KCND2: variants seen among roughly 807,000 people sequenced by gnomAD.
KCND2 encodes A-type voltage-gated potassium channel KCND2.
KCND2 carries 16 observed loss-of-function variants against 54.4 expected under a neutral mutation model. The observed-to-expected ratio is 0.29, with a 90% CI of 0.20 to 0.45. The LOEUF is 0.45. Among genes scored for constraint, KCND2 ranks in the 20% least tolerant of loss-of-function variants. The pLI is 1.00. For missense variants in KCND2, 486 were observed against 824.2 expected, an observed-to-expected ratio of 0.59 and a Z score of 5.02; for synonymous variants, 317 against 310.7, an observed-to-expected ratio of 1.02 and a Z score of -0.21.
chr7:120,611,009 G>A (rs994921975), intron 1 of KCND2, among the ~76,000 whole-genome samples: 2 of 152,132 alleles, frequency 1.3e-5, no homozygotes, highest in African/African-American at 4.8e-5. Flanking sequence ...CTATCCCAAA[G>A]AAATCACTTG....
intron 1 of KCND2, among the ~76,000 whole-genome samples, chr7:120,699,550 T>C (rs751844328): frequency 2.1e-4 from 32 of 152,152 alleles, no homozygotes; most frequent in Non-Finnish European, 3.8e-4. Flanking sequence ...GTTGTTGTTA[T>C]GGAGACAAAG....
chr7:120,362,540 A>T (rs1179194430), intron 1 of KCND2, among the ~76,000 whole-genome samples: 1 of 152,214 alleles, frequency 6.6e-6, no homozygotes, highest in African/African-American at 2.4e-5. Context: ...TGAATGTTGC[A>T]GTGTATGAAT....
At position 120,512,244 on chromosome 7, in the gene KCND2, A is replaced by C. The variant is rs150272605; in HGVS notation, c.1116-220659A>C. 1.3e-3 allele frequency among the ~76,000 whole-genome samples: 198 copies of C among 152,214 alleles called. 1 individual carries two copies. Among genetic ancestry groups the C allele is most frequent in the Non-Finnish European group, 2.3e-3 (154 of 67,988 alleles). ...TAAAAATTGGTAATTATATTAATGA[A>C]AAATACAGATTAAAAATTAAGAACT... is the stretch of plus-strand genomic sequence containing the variant. On this transcript the variant is annotated intron_variant, in intron 1 of 5. Coordinates refer to ENST00000331113, the MANE Select transcript of KCND2 (RefSeq NM_012281.3).
intron 1 of KCND2, among the ~76,000 whole-genome samples, chr7:120,616,905 C>T (rs1793032505): frequency 6.6e-6 from 1 of 152,144 alleles, no homozygotes; most frequent in African/African-American, 2.4e-5. Context: ...GTTCTCAGTT[C>T]CACCCTGTTT....
intron 1 of KCND2, among the ~76,000 whole-genome samples, chr7:120,719,365 A>G (rs925874403): frequency 6.6e-6 from 1 of 152,170 alleles, no homozygotes; most frequent in African/African-American, 2.4e-5. Flanking sequence ...AGTAGTGAAA[A>G]CGCTAATAGG....
chr7:120,449,705 T>C (rs1047743913), intron 1 of KCND2, among the ~76,000 whole-genome samples: 1 of 152,222 alleles, frequency 6.6e-6, no homozygotes, highest in East Asian at 1.9e-4. Flanking sequence ...AGAATTTCAG[T>C]TGAAGATCAG....
At chr7:120,601,567 C>T (rs969122106) in intron 1 of KCND2, among the ~76,000 whole-genome samples, 7 of 152,040 alleles carry the variant, frequency 4.6e-5, no homozygotes, top group Admixed American at 2.6e-4. Context: ...AAGAGTTAAT[C>T]GCTGGACAGC....
chr7:120,559,732 A>G (rs1437841179), intron 1 of KCND2, among the ~76,000 whole-genome samples: 2 of 152,216 alleles, frequency 1.3e-5, no homozygotes, highest in South Asian at 2.1e-4. Context: ...ATTCCAGTCT[A>G]TGATACAGTG....
chr7:120,716,175 A>G (rs1792600560), intron 1 of KCND2, among the ~76,000 whole-genome samples: 1 of 152,134 alleles, frequency 6.6e-6, no homozygotes, highest in Non-Finnish European at 1.5e-5. Flanking sequence ...AAGGTAAAGG[A>G]AAAACTTTTT....
intron 1 of KCND2, among the ~76,000 whole-genome samples, chr7:120,627,450 T>C (rs983795083): frequency 1.3e-5 from 2 of 152,206 alleles, no homozygotes; most frequent in African/African-American, 4.8e-5. Flanking sequence ...CAATTAATAA[T>C]ATGATTCCAT....
At chr7:120,740,502 A>G (rs567294133) in intron 2 of KCND2, among the ~76,000 whole-genome samples, 12 of 152,206 alleles carry the variant, frequency 7.9e-5, no homozygotes, top group African/African-American at 2.6e-4. Context: ...TACATGTAAT[A>G]CAAATAGAAT....
intron 1 of KCND2, among the ~76,000 whole-genome samples, chr7:120,681,331 C>T (rs115358907): frequency 2.2e-4 from 34 of 152,066 alleles, no homozygotes; most frequent in African/African-American, 8.2e-4. Flanking sequence ...AAATCCCTTC[C>T]AGCTGCAATG....
At chr7:120,442,451 A>G (rs975928919) in intron 1 of KCND2, among the ~76,000 whole-genome samples, 1 of 152,144 alleles carries the variant, frequency 6.6e-6, no homozygotes, top group African/African-American at 2.4e-5. Flanking sequence ...GAAGAAAACT[A>G]GAAGTAGAGA....
At chr7:120,391,271 A>AT (rs1801073569) in intron 1 of KCND2, among the ~76,000 whole-genome samples, 2 of 151,990 alleles carry the variant, frequency 1.3e-5, no homozygotes, top group Admixed American at 1.3e-4. Context: ...GGCTGCACAG[A>AT]TTCCTTGGTG....
chr7:120,510,124 C>T (rs1803090906), intron 1 of KCND2, among the ~76,000 whole-genome samples: 1 of 152,018 alleles, frequency 6.6e-6, no homozygotes, highest in Non-Finnish European at 1.5e-5. Flanking sequence ...GCTGAGAAGG[C>T]TTAAGTCATT....
At chr7:120,622,487 A>G (rs546330217) in intron 1 of KCND2, among the ~76,000 whole-genome samples, 9 of 151,312 alleles carry the variant, frequency 5.9e-5, no homozygotes, top group Non-Finnish European at 1.3e-4. Context: ...CGAAATTGTT[A>G]TATATATATA....
chr7:120,273,050 C>T (rs1471244807), upstream of KCND2, among the ~76,000 whole-genome samples: 1 of 152,046 alleles, frequency 6.6e-6, no homozygotes, highest in African/African-American at 2.4e-5. Flanking sequence ...GCAGATCCAC[C>T]TGGATGCTCT....
chr7:120,379,366 A>G (rs935399910), intron 1 of KCND2, among the ~76,000 whole-genome samples: 1 of 152,070 alleles, frequency 6.6e-6, no homozygotes, highest in African/African-American at 2.4e-5. Flanking sequence ...GATAAATTAG[A>G]TAGTGTGTCC....
chr7:120,418,458 C>G (rs1412635705), intron 1 of KCND2, among the ~76,000 whole-genome samples: 4 of 136,676 alleles, frequency 2.9e-5, no homozygotes, highest in Non-Finnish European at 4.5e-5. Context: ...ACCAAACTGC[C>G]TTGTACTGGA....
Sources: gnomAD v4.1 joint callset for allele counts (sites outside exome capture counted in the v4.1 genomes callset) on GRCh38, gnomAD v4.1.1 for gene constraint, MANE v1.5 for transcripts, NCBI Gene and HGNC (gene_info 2026-07-23, HGNC 2026-07-21) for gene names.